The following CDYL2 variants were observed in gnomAD, a reference collection of about 807,000 sequenced individuals.
The protein encoded by CDYL2 is chromodomain Y-like protein 2.
CDYL2 carries 23 observed loss-of-function variants against 49.4 expected under a neutral mutation model. The ratio of observed to expected loss-of-function variants is 0.47; its 90% confidence interval spans 0.34 to 0.66. The LOEUF (loss-of-function observed/expected upper bound fraction) is 0.66. Ranked by LOEUF, CDYL2 falls within the 30% of genes least tolerant of loss-of-function variation. CDYL2 has a pLI of 0.01. For synonymous variants in CDYL2, 360 were observed against 268.8 expected (o/e 1.34, Z -3.32); for missense variants, 678 against 656.4 (o/e 1.03, Z -0.36).
chr16:80,804,626 G>A (rs1459386435), upstream of CDYL2, among the ~76,000 whole-genome samples: 1 of 144,586 alleles, frequency 6.9e-6, no homozygotes, highest in Non-Finnish European at 1.5e-5. Context: ...CCGGGAGCCC[G>A]GCCCGGCCCC....
At chr16:80,777,962 T>TG (rs1567603928) in intron 1 of CDYL2, among the ~76,000 whole-genome samples, 1 of 150,878 alleles carries the variant, frequency 6.6e-6, no homozygotes, top group Non-Finnish European at 1.5e-5. Context: ...AATACTAAAA[T>TG]AAAAAAAAAT....
chr16:80,638,084 T>C (rs1907920272), intron 2 of CDYL2, among the ~76,000 whole-genome samples: 1 of 152,190 alleles, frequency 6.6e-6, no homozygotes, highest in Admixed American at 6.5e-5. Flanking sequence ...CTCCATTTTT[T>C]TTTTTCTTGA....
chr16:80,643,969 T>C (rs1908220301), intron 2 of CDYL2, among the ~76,000 whole-genome samples: 1 of 152,114 alleles, frequency 6.6e-6, no homozygotes, highest in South Asian at 2.1e-4. Context: ...GAATTTCTCC[T>C]AAAACAAAAA....
rs1003667722 is a variant in CDYL2 at position 80,598,313 on chromosome 16, C to T, written c.*6075G>A. On this transcript the variant is annotated 3_prime_UTR_variant, in exon 7 of 7. Coordinates refer to ENST00000570137, the MANE Select transcript of CDYL2 (RefSeq NM_152342.4). ...CATCCATGATCAAATCCAAACACTC[C>T]TAGGGTGGGCTGGATAAGTTTTTGG... is the stretch of plus-strand genomic sequence containing the variant. 2.0e-5 allele frequency: 3 copies of T among 151,980 alleles called. No individual in the cohort carries two copies. The highest frequency in any genetic ancestry group is 7.2e-5 in the African/African-American group (3 of 41,400). 9.4% of individuals were successfully genotyped at this position (151,980 alleles called of 1,614,324 possible). A position where few individuals can be genotyped will look rare whatever the true frequency, so the allele number is the denominator to read the frequency against.
intron 1 of CDYL2, among the ~76,000 whole-genome samples, chr16:80,740,360 A>G (rs1275852045): frequency 6.6e-6 from 1 of 152,192 alleles, no homozygotes; most frequent in Non-Finnish European, 1.5e-5. Context: ...AGCCAGACAT[A>G]TGAACAGACA....
intron 1 of CDYL2, among the ~76,000 whole-genome samples, chr16:80,712,265 G>A (rs946173130): frequency 2.0e-4 from 30 of 146,766 alleles, no homozygotes; most frequent in African/African-American, 5.5e-4. Flanking sequence ...TTAAATTTGC[G>A]TATGTTTTAA....
chr16:80,767,390 T>C (rs574825870), intron 1 of CDYL2, among the ~76,000 whole-genome samples: 1 of 152,332 alleles, frequency 6.6e-6, no homozygotes, highest in African/African-American at 2.4e-5. Context: ...GAGCTTAATT[T>C]CAGTTATTAC....
At position 80,776,842 on chromosome 16, in the gene CDYL2, G is replaced by C. The variant is rs192368363; in HGVS notation, c.24+27308C>G. ...AAAACTTTTTTTTTTTTTGGAGACA[G>C]AGTCTCCCTCTGTCGCCTAGGCTGG... is the stretch of plus-strand genomic sequence containing the variant. On this transcript the variant is annotated intron_variant, in intron 1 of 6. Coordinates refer to ENST00000570137, the MANE Select transcript of CDYL2 (RefSeq NM_152342.4). Among the ~76,000 whole-genome samples, 298 of 150,910 alleles carry C rather than the reference G, an allele frequency of 2.0e-3. 1 individual carries two copies. Among genetic ancestry groups the C allele is most frequent in the Non-Finnish European group, 3.2e-3 (217 of 67,772 alleles).
At chr16:80,681,690 G>C (rs889397120) in intron 2 of CDYL2, among the ~76,000 whole-genome samples, 11 of 152,208 alleles carry the variant, frequency 7.2e-5, no homozygotes, top group Admixed American at 6.5e-4. Flanking sequence ...GACCACAGAA[G>C]ACGTCATTGT....
intron 2 of CDYL2, among the ~76,000 whole-genome samples, chr16:80,672,143 G>A (rs1056046342): frequency 1.2e-4 from 19 of 152,008 alleles, no homozygotes; most frequent in African/African-American, 3.9e-4. Flanking sequence ...CTGGATTTTG[G>A]AGCATTTCAG....
intron 6 of CDYL2, among the ~76,000 whole-genome samples, chr16:80,605,977 C>A (rs944732331): frequency 6.6e-6 from 1 of 152,236 alleles, no homozygotes; most frequent in Non-Finnish European, 1.5e-5. Context: ...CTGATTCCAA[C>A]AGCCACGCTG....
At chr16:80,676,829 AG>A (rs1909762627) in intron 2 of CDYL2, among the ~76,000 whole-genome samples, 1 of 152,034 alleles carries the variant, frequency 6.6e-6, no homozygotes, top group Non-Finnish European at 1.5e-5. Context: ...TGGATAAGGG[AG>A]GGGTTATCTG....
At chr16:80,672,250 T>C (rs888950639) in intron 2 of CDYL2, among the ~76,000 whole-genome samples, 3 of 150,906 alleles carry the variant, frequency 2.0e-5, no homozygotes, top group African/African-American at 4.9e-5. Context: ...AATATGGAAA[T>C]AGACGGAAAC....
intron 2 of CDYL2, among the ~76,000 whole-genome samples, chr16:80,675,546 C>CT (rs1418163456): frequency 1.3e-5 from 2 of 152,144 alleles, no homozygotes; most frequent in Non-Finnish European, 2.9e-5. Flanking sequence ...AGACTGGCTG[C>CT]TTTGTGTGAG....
intron 1 of CDYL2, among the ~76,000 whole-genome samples, chr16:80,777,337 A>G (rs1384561964): frequency 6.8e-6 from 1 of 146,882 alleles, no homozygotes; most frequent in Non-Finnish European, 1.5e-5. Flanking sequence ...TTAAAAGTAG[A>G]AAAAAAGTAA....
rs77157616 is a variant in CDYL2, at chr16:80,616,789, G to T, written c.1008-3953C>A. Reference sequence around the variant, plus strand: ...ATAAGAACTCCAAGAACATATTAGTGCCAGGAATAGCCCGAGTGTTTCACA... The same window carrying T: ...ATAAGAACTCCAAGAACATATTAGTTCCAGGAATAGCCCGAGTGTTTCACA... On this transcript the variant is annotated intron_variant, in intron 4 of 6. Transcript: ENST00000570137. Among the ~76,000 whole-genome samples, 200 of 152,322 alleles carry T rather than the reference G, an allele frequency of 1.3e-3. 1 individual carries two copies. Among genetic ancestry groups the T allele is most frequent in the African/African-American group, 4.6e-3 (190 of 41,582 alleles).
chr16:80,652,025 C>T (rs1025644263), intron 2 of CDYL2, among the ~76,000 whole-genome samples: 1 of 152,108 alleles, frequency 6.6e-6, no homozygotes, highest in Non-Finnish European at 1.5e-5. Context: ...ATAAAGATGG[C>T]TGCATACAGA....
intron 3 of CDYL2, among the ~76,000 whole-genome samples, chr16:80,631,635 T>C (rs1004183450): frequency 1.3e-5 from 2 of 152,198 alleles, no homozygotes; most frequent in African/African-American, 4.8e-5. Flanking sequence ...GGAGAACATA[T>C]TTTCAAGTCA....
chr16:80,604,671 G>T (rs1906253136), intron 6 of CDYL2, 125 bp from the exon 7 acceptor site: 2 of 943,096 alleles, frequency 2.1e-6, no homozygotes, highest in Admixed American at 4.0e-5. Flanking sequence ...GCCTCCTCCA[G>T]CCTGGGCCTT....
Sources: allele counts gnomAD v4.1 joint callset (sites outside exome capture counted in the v4.1 genomes callset), GRCh38; gene constraint gnomAD v4.1.1; transcripts MANE v1.5; gene names NCBI Gene and HGNC (gene_info 2026-07-23, HGNC 2026-07-21).